The following RALGAPA2 variants were observed in gnomAD, a reference collection of about 807,000 sequenced individuals.
RALGAPA2 encodes Ral GTPase activating protein catalytic subunit alpha 2.
RALGAPA2 carries 139 observed loss-of-function variants against 230.4 expected under a neutral mutation model. That is an observed-to-expected ratio of 0.60 (90% CI 0.53 to 0.69). The LOEUF is 0.69. Ranked by LOEUF, RALGAPA2 falls within the 30% of genes least tolerant of loss-of-function variation. The pLI is 0.00. For missense variants in RALGAPA2, 2,163 were observed against 2,276.0 expected (o/e 0.95, Z 1.01); for synonymous variants, 847 against 837.8 (o/e 1.01, Z -0.19).
chr20:20,463,382 C>G (rs1033709640), intron 37 of RALGAPA2, among the ~76,000 whole-genome samples: 1 of 152,078 alleles, frequency 6.6e-6, no homozygotes, highest in African/African-American at 2.4e-5. Context: ...TTAGATCTCA[C>G]CAGGCTTTGT....
intron 37 of RALGAPA2, among the ~76,000 whole-genome samples, chr20:20,443,802 G>A (rs2060797452): frequency 6.6e-6 from 1 of 152,244 alleles, no homozygotes; most frequent in African/African-American, 2.4e-5. Flanking sequence ...CAAAAGCTAA[G>A]TCCTGGATAG....
chr20:20,597,428 G>A (rs910292725), intron 16 of RALGAPA2, among the ~76,000 whole-genome samples: 8 of 151,986 alleles, frequency 5.3e-5, no homozygotes, highest in African/African-American at 1.2e-4. Flanking sequence ...TATAGTCCTC[G>A]CTCTTGGTAA....
intron 16 of RALGAPA2, among the ~76,000 whole-genome samples, chr20:20,592,059 C>A (rs917637305): frequency 6.6e-6 from 1 of 152,182 alleles, no homozygotes; most frequent in Non-Finnish European, 1.5e-5. Context: ...GGAATTATCA[C>A]CCCACCCTCT....
intron 31 of RALGAPA2, among the ~76,000 whole-genome samples, chr20:20,519,114 G>A (rs547539672): frequency 6.6e-6 from 1 of 152,238 alleles, no homozygotes; most frequent in South Asian, 2.1e-4. Flanking sequence ...TCTACTCCAC[G>A]TCAAAACTTT....
intron 11 of RALGAPA2, 114 bp downstream of exon 11, chr20:20,620,349 G>C: frequency 9.2e-7 from 1 of 1,083,962 alleles, no homozygotes; most frequent in Non-Finnish European, 1.3e-6. Flanking sequence ...GCATCAGATG[G>C]GATAAAAAAG....
chr20:20,410,160 A>G lies in RALGAPA2; in HGVS notation c.5617+1867T>C, dbSNP rs544399837. On this transcript the variant is annotated intron_variant, in intron 38 of 39. Coordinates refer to ENST00000202677, the MANE Select transcript of RALGAPA2 (RefSeq NM_020343.4). ...AAATATGACGTTCTTGAAGAAGCCT[A>G]TTGACAATCCTCTCCAAGTAGAGTT... Among the ~76,000 whole-genome samples the G allele has an allele frequency of 2.0e-5, 3 of 152,318 alleles. No homozygotes were observed. In the South Asian group the frequency reaches 6.2e-4, roughly 32 times the overall value.
At chr20:20,425,264 G>A (rs2060357693) in intron 37 of RALGAPA2, among the ~76,000 whole-genome samples, 1 of 152,172 alleles carries the variant, frequency 6.6e-6, no homozygotes, top group Non-Finnish European at 1.5e-5. Context: ...ATCAGACTAG[G>A]CTCAGGCACG....
chr20:20,460,153 G>C (rs1277542738), intron 37 of RALGAPA2, among the ~76,000 whole-genome samples: 2 of 152,168 alleles, frequency 1.3e-5, no homozygotes, highest in East Asian at 1.9e-4. Context: ...CTTCTAGTTG[G>C]GGCTGGGAGA....
At chr20:20,393,639 G>C (rs1353084665) in intron 39 of RALGAPA2, among the ~76,000 whole-genome samples, 3 of 152,210 alleles carry the variant, frequency 2.0e-5, no homozygotes, top group Admixed American at 6.5e-5. Flanking sequence ...CCGCTCTGCA[G>C]ATCCCTGGCG....
intron 30 of RALGAPA2, among the ~76,000 whole-genome samples, chr20:20,523,245 T>C (rs191154434): frequency 3.0e-4 from 46 of 152,320 alleles, no homozygotes; most frequent in African/African-American, 1.1e-3. Context: ...AGAAGGATAT[T>C]ATAAGCAATC....
chr20:20,486,376 GT>G (rs1444177044), intron 36 of RALGAPA2, among the ~76,000 whole-genome samples: 1 of 151,806 alleles, frequency 6.6e-6, no homozygotes, highest in Non-Finnish European at 1.5e-5. Context: ...TAGGTTGGTA[GT>G]TTTTTGTTTT....
rs182542879 is a variant in RALGAPA2 at position 20,662,168 on chromosome 20, T to A, written c.271-8581A>T. On this transcript the variant is annotated intron_variant, in intron 3 of 39. Coordinates refer to ENST00000202677, the MANE Select transcript of RALGAPA2 (RefSeq NM_020343.4). ...CTATGAAACATTTACAAAGTTATTA[T>A]TCTAAGCGATGCAAATAAATCCCTC... Among the ~76,000 whole-genome samples the A allele has an allele frequency of 5.9e-5, 9 of 152,310 alleles. No individual in the cohort carries two copies. In the South Asian group the frequency reaches 1.7e-3, roughly 28 times the overall value.
rs572280294 is a variant in RALGAPA2 at position 20,482,815 on chromosome 20, C to A, written c.5368-9859G>T. 2.0e-5 allele frequency among the ~76,000 whole-genome samples: 3 copies of A among 151,990 alleles called. No homozygotes were observed. In the South Asian group the frequency reaches 6.2e-4, roughly 32 times the overall value. ...TGGAAAGCTCTGGAATAGGTATGTA[C>A]GGAAATGCATACAGATAAGAGAAAA... On this transcript the variant is annotated intron_variant, in intron 36 of 39. Transcript: ENST00000202677.
intron 37 of RALGAPA2, among the ~76,000 whole-genome samples, chr20:20,414,004 G>A (rs954141195): frequency 3.3e-5 from 5 of 152,222 alleles, no homozygotes; most frequent in African/African-American, 9.6e-5. Flanking sequence ...GCCACGGCTC[G>A]GCCCTCCGTG....
chr20:20,448,516 ATAAT>A (rs1436455834), intron 37 of RALGAPA2, among the ~76,000 whole-genome samples: 1 of 152,252 alleles, frequency 6.6e-6, no homozygotes, highest in Non-Finnish European at 1.5e-5. Flanking sequence ...GAACACACTA[ATAAT>A]TAAACAGATA....
chr20:20,492,568 A>C (rs1232345198), intron 36 of RALGAPA2, among the ~76,000 whole-genome samples: 1 of 152,210 alleles, frequency 6.6e-6, no homozygotes, highest in African/African-American at 2.4e-5. Flanking sequence ...TTATTGTACC[A>C]AATGGCTGAG....
At chr20:20,511,396 T>C in intron 32 of RALGAPA2, 71 bp from the exon 33 acceptor site, 1 of 1,501,442 alleles carries the variant, frequency 6.7e-7, no homozygotes, top group Non-Finnish European at 8.8e-7. Flanking sequence ...CAATCAGTAA[T>C]TTAATAAAAA....
intron 38 of RALGAPA2, among the ~76,000 whole-genome samples, chr20:20,408,289 C>T (rs528562855): frequency 1.2e-4 from 19 of 152,324 alleles, no homozygotes; most frequent in African/African-American, 3.8e-4. Flanking sequence ...TGAGACATAC[C>T]TGTAGCCCTT....
chr20:20,639,929 A>C (rs1291486468), intron 6 of RALGAPA2, 29 bp from the exon 7 acceptor site: 1 of 1,503,342 alleles, frequency 6.7e-7, no homozygotes, highest in Admixed American at 1.7e-5. Context: ...ATGACAGCTC[A>C]TTCACCAAAG....
Sources: gnomAD v4.1 joint callset for allele counts (sites outside exome capture counted in the v4.1 genomes callset) on GRCh38, gnomAD v4.1.1 for gene constraint, MANE v1.5 for transcripts, NCBI Gene and HGNC (gene_info 2026-07-23, HGNC 2026-07-21) for gene names.